Variants in TBC1D16 observed in about 807,000 individuals in gnomAD.
TBC1D16 encodes the protein TBC1 domain family member 16, also known as CTD-2529O21.1.
Under a neutral mutation model 74.7 loss-of-function variants are expected in TBC1D16, and 58 were observed. The ratio of observed to expected loss-of-function variants is 0.78; its 90% confidence interval spans 0.63 to 0.97. The LOEUF is 0.97. TBC1D16 is among the 50% of genes least tolerant of loss of function. The pLI is 0.00. For synonymous variants in TBC1D16, 493 were observed against 474.7 expected (o/e 1.04, Z -0.50); for missense variants, 1,014 against 1,079.5 (o/e 0.94, Z 0.85).
chr17:79,968,939 C>G (rs1276866638), intron 3 of TBC1D16, among the ~76,000 whole-genome samples: 1 of 150,308 alleles, frequency 6.7e-6, no homozygotes, highest in African/African-American at 2.4e-5. Flanking sequence ...GACTAGTACC[C>G]AAATATTTTT....
intron 1 of TBC1D16, among the ~76,000 whole-genome samples, chr17:80,032,165 G>C (rs57872006): frequency 6.6e-6 from 1 of 152,106 alleles, no homozygotes. Flanking sequence ...GCATGGATGC[G>C]GGCTTGGCAC....
Position 79,985,409 on chromosome 17 carries a change from G to C in TBC1D16, c.779+24751C>G, listed in dbSNP as rs372939208. Among the ~76,000 whole-genome samples the C allele has an allele frequency of 7.9e-5, 12 of 152,216 alleles. No homozygotes were observed. Among genetic ancestry groups the C allele is most frequent in the Non-Finnish European group, 1.6e-4 (11 of 68,038 alleles). The stretch of plus-strand genomic sequence containing the variant: ...GGAAGGGAGTCACTATCCAGGCCAC[G>C]GCAGACACAGTTCCCCGAAACTGAA... On this transcript the variant is annotated intron_variant, in intron 3 of 11. Coordinates refer to ENST00000310924, the MANE Select transcript of TBC1D16 (RefSeq NM_019020.4). This position sits in a 1 kb window ranked among gnomAD's most constrained non-coding sequence, Gnocchi z 4.9.
chr17:79,949,733 C>CA lies in TBC1D16; in HGVS notation c.1389dup (p.Glu464Ter). The CA allele has an allele frequency of 6.2e-7, 1 of 1,611,996 alleles. No homozygotes were observed. Among genetic ancestry groups the CA allele is most frequent in the Non-Finnish European group, 8.5e-7 (1 of 1,178,986 alleles). On this transcript the variant is annotated frameshift_variant, in exon 7 of 12. Transcript: ENST00000310924. LOFTEE classifies it high-confidence loss of function. Reference sequence around the variant, plus strand: ...GGCGGTTACCTTTTCTGCTGGATCTCAGAGTACTCCTTTCGCTTCTGCAGC... The same window carrying CA: ...GGCGGTTACCTTTTCTGCTGGATCTCAAGAGTACTCCTTTCGCTTCTGCAGC...
At chr17:80,006,546 T>A (rs571644462) in intron 3 of TBC1D16, among the ~76,000 whole-genome samples, 1 of 152,244 alleles carries the variant, frequency 6.6e-6, no homozygotes, top group East Asian at 1.9e-4. Flanking sequence ...GCTTCCTGGG[T>A]CTACCATGTG....
chr17:79,989,497 C>T (rs376533421), intron 3 of TBC1D16, among the ~76,000 whole-genome samples: 11 of 152,236 alleles, frequency 7.2e-5, no homozygotes, highest in Admixed American at 5.2e-4. Context: ...AGCCACGGTT[C>T]GCTTTGCCTG....
rs1415617300 is a variant in TBC1D16 at position 79,993,027 on chromosome 17, C to T, written c.779+17133G>A. On this transcript the variant is annotated intron_variant, in intron 3 of 11. Transcript: ENST00000310924. This position sits in a 1 kb window ranked among gnomAD's most constrained non-coding sequence, Gnocchi z 5.1. ...CCAACACCAGTCCCAGCGGATGGCA[C>T]AGAGATGGGCACTGCTCTCAGGGCC... Among the ~76,000 whole-genome samples the T allele has an allele frequency of 6.6e-6, 1 of 152,232 alleles. No homozygotes were observed. Among genetic ancestry groups the T allele is most frequent in the African/African-American group, 2.4e-5 (1 of 41,458 alleles).
At chr17:79,942,030 G>C in intron 11 of TBC1D16, 30 bp downstream of exon 11, 1 of 1,586,138 alleles carries the variant, frequency 6.3e-7, no homozygotes, top group Non-Finnish European at 8.6e-7. Context: ...GGGCGGGGCG[G>C]GGTGGGGCCC....
intron 3 of TBC1D16, among the ~76,000 whole-genome samples, chr17:79,977,413 T>C (rs976399708): frequency 3.9e-5 from 6 of 152,176 alleles, no homozygotes; most frequent in African/African-American, 1.4e-4. Context: ...TGACGCCTCA[T>C]CCCTCCACCT....
At chr17:79,997,846 C>T (rs1358692211) in intron 3 of TBC1D16, among the ~76,000 whole-genome samples, 1 of 152,112 alleles carries the variant, frequency 6.6e-6, no homozygotes, top group African/African-American at 2.4e-5. Flanking sequence ...TCACTGCAGC[C>T]GGGCGCGGTG....
intron 3 of TBC1D16, among the ~76,000 whole-genome samples, chr17:80,002,332 G>A (rs926560776): frequency 5.3e-5 from 8 of 152,238 alleles, no homozygotes; most frequent in East Asian, 1.9e-4. Flanking sequence ...ATACTCGGTC[G>A]ACAAGGAGCC....
Position 80,008,395 on chromosome 17 carries a change from G to A in TBC1D16, c.779+1765C>T, listed in dbSNP as rs2035756633. Among the ~76,000 whole-genome samples, 1 of 152,130 alleles carries A rather than the reference G, an allele frequency of 6.6e-6. No homozygotes were observed. Among genetic ancestry groups the A allele is most frequent in the Non-Finnish European group, 1.5e-5 (1 of 68,034 alleles). On this transcript the variant is annotated intron_variant, in intron 3 of 11. Transcript: ENST00000310924. This position sits in a 1 kb window ranked among gnomAD's most constrained non-coding sequence, Gnocchi z 4.5. ...GAGCTCCCTACGAGATGGGGCTGCG[G>A]GACAGAGAGCTGACCGGCCAGCTTC...
rs1451206149 is a variant in TBC1D16 at position 79,935,088 on chromosome 17, G to C, written c.*5771C>G. On this transcript the variant is annotated 3_prime_UTR_variant, in exon 12 of 12. Coordinates refer to ENST00000310924, the MANE Select transcript of TBC1D16 (RefSeq NM_019020.4). ...TAGGAAGGTCAAATTCACCTTGTTT[G>C]CCTCCTTAAAAATTCACAAATGCAG... 1 of 152,270 alleles carries C rather than the reference G, an allele frequency of 6.6e-6. No individual in the cohort carries two copies. The highest frequency in any genetic ancestry group is 2.4e-5 in the African/African-American group (1 of 41,466). 9.4% of individuals were successfully genotyped at this position (152,270 alleles called of 1,614,324 possible).
chr17:79,936,463 C>G lies in TBC1D16; in HGVS notation c.*4396G>C, dbSNP rs11150819. On this transcript the variant is annotated 3_prime_UTR_variant, in exon 12 of 12. Transcript: ENST00000310924. ...TTTTACACTTAGAGTCCCCAATGCACTCCCAGGAGGTGGCCTGGGCAGGCA... is the reference window on the plus strand; with the variant it reads ...TTTTACACTTAGAGTCCCCAATGCAGTCCCAGGAGGTGGCCTGGGCAGGCA... 0.72 allele frequency: 109,561 copies of G among 151,730 alleles called. 39,625 individuals are homozygous for G. The highest frequency in any genetic ancestry group is 0.77 in the East Asian group (3,945 of 5,136). 9.4% of individuals were successfully genotyped at this position (151,730 alleles called of 1,614,324 possible). A position where few individuals can be genotyped will look rare whatever the true frequency, so the allele number is the denominator to read the frequency against.
chr17:80,032,742 A>C (rs762720199), intron 1 of TBC1D16, among the ~76,000 whole-genome samples: 4 of 152,184 alleles, frequency 2.6e-5, no homozygotes, highest in Non-Finnish European at 4.4e-5. Flanking sequence ...ATGCAATACA[A>C]ATGGTGTACA....
At position 80,000,726 on chromosome 17, in the gene TBC1D16, C is replaced by T. The variant is rs147213408; in HGVS notation, c.779+9434G>A. Among the ~76,000 whole-genome samples, 11 of 152,304 alleles carry T rather than the reference C, an allele frequency of 7.2e-5. No individual in the cohort carries two copies. The East Asian group carries it at 2.1e-3, about 29-fold the overall frequency. On this transcript the variant is annotated intron_variant, in intron 3 of 11. Transcript: ENST00000310924. This position sits in a 1 kb window ranked among gnomAD's most constrained non-coding sequence, Gnocchi z 4.1. ...CCCTCTGTGCAGAGCTTTACACGCA[C>T]GGCCTTCCTGAACCCCCACAATGCC...
chr17:80,003,123 G>C (rs768805855), intron 3 of TBC1D16, among the ~76,000 whole-genome samples: 2 of 152,230 alleles, frequency 1.3e-5, no homozygotes, highest in Non-Finnish European at 2.9e-5. Context: ...CAAGAGGAAA[G>C]TGGGAGGGCA....
chr17:80,029,131 T>C (rs1026049711), intron 1 of TBC1D16, among the ~76,000 whole-genome samples: 11 of 152,140 alleles, frequency 7.2e-5, no homozygotes, highest in Admixed American at 2.0e-4. Flanking sequence ...TAGAGCACCA[T>C]TGAGAAGCAT....
At chr17:80,016,502 C>A (rs926085900) in intron 1 of TBC1D16, among the ~76,000 whole-genome samples, 1 of 150,436 alleles carries the variant, frequency 6.6e-6, no homozygotes, top group Non-Finnish European at 1.5e-5. Flanking sequence ...GTTCTTTGAA[C>A]TTTCTGCATT....
intron 1 of TBC1D16, among the ~76,000 whole-genome samples, chr17:80,031,002 G>GC (rs1275771078): frequency 6.6e-6 from 1 of 152,188 alleles, no homozygotes; most frequent in Non-Finnish European, 1.5e-5. Context: ...GGATCGCGTT[G>GC]CCCCCGCTGC....
Sources: allele counts gnomAD v4.1 joint callset (sites outside exome capture counted in the v4.1 genomes callset), GRCh38; gene constraint gnomAD v4.1.1; non-coding constraint Gnocchi (gnomAD v3.1); transcripts MANE v1.5; gene names NCBI Gene and HGNC (gene_info 2026-07-23, HGNC 2026-07-21).